PPP1CB: variants seen among roughly 807,000 people sequenced by gnomAD.
The protein encoded by PPP1CB is serine/threonine-protein phosphatase PP1-beta catalytic subunit.
In PPP1CB, 2 loss-of-function variants were observed where a neutral mutation model predicts 43.7. That is an observed-to-expected ratio of 0.05 (90% CI 0.02 to 0.14). The LOEUF (loss-of-function observed/expected upper bound fraction) is 0.14. Ranked by LOEUF, PPP1CB falls within the 10% of genes least tolerant of loss-of-function variation. The pLI is 1.00. For missense variants in PPP1CB, 84 were observed against 398.0 expected, an observed-to-expected ratio of 0.21 and a Z score of 6.71; for synonymous variants, 136 against 135.6, an observed-to-expected ratio of 1.00 and a Z score of -0.02.
chr2:28,764,326 A>G lies in PPP1CB; in HGVS notation c.52+12150A>G, dbSNP rs1359880795. 5.3e-5 allele frequency among the ~76,000 whole-genome samples: 8 copies of G among 151,226 alleles called. 1 individual carries two copies. In the East Asian group the frequency reaches 1.4e-3, roughly 26 times the overall value. On this transcript the variant is annotated intron_variant, in intron 1 of 7. Transcript: ENST00000395366. ...ATACAAAAAATTAGCTGGGCATAGT[A>G]GCACCCACCTATAATCCCAGCTACT... is the stretch of plus-strand genomic sequence containing the variant.
intron 4 of PPP1CB, chr2:28,782,708 A>G (rs1667180587): frequency 1.3e-5 from 2 of 152,234 alleles, no homozygotes; most frequent in Admixed American, 1.3e-4. Flanking sequence ...CTATTGAGCA[A>G]CGGAGTTTGT....
At chr2:28,793,389 T>A (rs954710677) in intron 6 of PPP1CB, among the ~76,000 whole-genome samples, 7 of 122,972 alleles carry the variant, frequency 5.7e-5, no homozygotes, top group African/African-American at 1.6e-4. Context: ...CTTCGCAAAG[T>A]CGTTCATTGT....
chr2:28,757,137 C>T (rs1267517037), intron 1 of PPP1CB, among the ~76,000 whole-genome samples: 1 of 152,100 alleles, frequency 6.6e-6, no homozygotes, highest in East Asian at 1.9e-4. Flanking sequence ...TGAAATCATA[C>T]AATATGTTGT....
chr2:28,762,442 ATC>A (rs764104672), intron 1 of PPP1CB, among the ~76,000 whole-genome samples: 6 of 152,346 alleles, frequency 3.9e-5, no homozygotes, highest in East Asian at 1.9e-4. Flanking sequence ...CTGAATTCAC[ATC>A]TCTGTTTTGT....
chr2:28,776,972 G>A lies in PPP1CB; in HGVS notation c.174G>A (p.Leu58=). Reference sequence around the variant, plus strand: ...TTCTTTTGGAATTGGAAGCACCGCTGAAAATTTGTGGTATGTAAATGGGTA... The same window carrying A: ...TTCTTTTGGAATTGGAAGCACCGCTAAAAATTTGTGGTATGTAAATGGGTA... ...QPILLELEAP[L]KICGDIHGQY... is the part of the protein sequence containing the mutation. The change falls in exon 2 of 8, where the codon CTG becomes CTA. Residue 58 remains leucine, a synonymous_variant. Coordinates refer to ENST00000395366, the MANE Select transcript of PPP1CB (RefSeq NM_002709.3). The A allele has an allele frequency of 6.2e-7, 1 of 1,613,362 alleles. No individual in the cohort carries two copies. Among genetic ancestry groups the A allele is most frequent in the Non-Finnish European group, 8.5e-7 (1 of 1,179,454 alleles).
chr2:28,767,198 A>C (rs1666798144), intron 1 of PPP1CB, among the ~76,000 whole-genome samples: 1 of 152,218 alleles, frequency 6.6e-6, no homozygotes, highest in Non-Finnish European at 1.5e-5. Flanking sequence ...CAAATGGGCC[A>C]CTTGGAAACT....
chr2:28,783,088 C>A (rs1000644011), intron 4 of PPP1CB, among the ~76,000 whole-genome samples: 1 of 152,104 alleles, frequency 6.6e-6, no homozygotes, highest in African/African-American at 2.4e-5. Flanking sequence ...TCAAAGATTG[C>A]AGAGTATTTT....
In PPP1CB at chr2:28,802,212, T is replaced by G. The variant is rs1454996348; in HGVS notation, c.*2909T>G. Reference sequence around the variant, plus strand: ...GAGATATGTCTCAAGAATATAAAGATGTATTATTTTAAGCCAAGGAGCTGA... The same window carrying G: ...GAGATATGTCTCAAGAATATAAAGAGGTATTATTTTAAGCCAAGGAGCTGA... On this transcript the variant is annotated 3_prime_UTR_variant, in exon 8 of 8. Transcript: ENST00000395366. 6.6e-6 allele frequency: 1 copy of G among 152,198 alleles called. No homozygotes were observed. Among genetic ancestry groups the G allele is most frequent in the African/African-American group, 2.4e-5 (1 of 41,454 alleles). The allele number at this position is 152,198 out of a possible 1,614,324, so 9.4% of individuals were successfully genotyped here.
At chr2:28,752,673 G>T (rs151065684) in intron 1 of PPP1CB, among the ~76,000 whole-genome samples, 1 of 152,182 alleles carries the variant, frequency 6.6e-6, no homozygotes, top group African/African-American at 2.4e-5. Context: ...TCCTTAACAG[G>T]ACTGCTTCGT....
In PPP1CB at chr2:28,800,689, A is replaced by T. The variant is rs765225492; in HGVS notation, c.*1386A>T. 6 of 152,568 alleles carry T rather than the reference A, an allele frequency of 3.9e-5. No individual in the cohort carries two copies. The highest frequency in any genetic ancestry group is 5.9e-5 in the Non-Finnish European group (4 of 67,902). The allele number at this position is 152,568 out of a possible 1,614,324, so 9.5% of individuals were successfully genotyped here. On this transcript the variant is annotated 3_prime_UTR_variant, in exon 8 of 8. Transcript: ENST00000395366. ...AGAACTTACAGGACACAGATTTGTG[A>T]TTCTTTGACTGTGACACTATTGGAT...
chr2:28,777,083 C>A, intron 2 of PPP1CB, 101 bp downstream of exon 2: 2 of 1,248,754 alleles, frequency 1.6e-6, no homozygotes, highest in African/African-American at 1.5e-5. Flanking sequence ...TTGTATAAAA[C>A]AGATCAGTAG....
chr2:28,770,498 T>G (rs1666882741), intron 1 of PPP1CB, among the ~76,000 whole-genome samples: 1 of 151,714 alleles, frequency 6.6e-6, no homozygotes, highest in Admixed American at 6.6e-5. Flanking sequence ...ACACTAGAGG[T>G]AAAGAAGGGC....
intron 1 of PPP1CB, among the ~76,000 whole-genome samples, chr2:28,764,693 A>G (rs1270946468): frequency 2.6e-5 from 4 of 151,984 alleles, no homozygotes; most frequent in Non-Finnish European, 4.4e-5. Flanking sequence ...TATGAGGCCA[A>G]GGCGAGTGGA....
intron 1 of PPP1CB, among the ~76,000 whole-genome samples, chr2:28,754,454 A>G (rs181434050): frequency 1.3e-5 from 2 of 152,254 alleles, no homozygotes; most frequent in Admixed American, 1.3e-4. Flanking sequence ...CTAAGATAAG[A>G]CACAGTCTCT....
chr2:28,783,329 GTTT>G (rs1025463795), intron 4 of PPP1CB, among the ~76,000 whole-genome samples: 1 of 148,924 alleles, frequency 6.7e-6, no homozygotes, highest in Non-Finnish European at 1.5e-5. Flanking sequence ...AAGAATGGTA[GTTT>G]TTTTTTTCCT....
chr2:28,769,050 T>A (rs1247310447), intron 1 of PPP1CB, among the ~76,000 whole-genome samples: 1 of 152,112 alleles, frequency 6.6e-6, no homozygotes, highest in Non-Finnish European at 1.5e-5. Context: ...AAAACCATAT[T>A]GAACATAGCT....
rs960710587 is a variant in PPP1CB, at chr2:28,752,155, C to G, written c.31C>G (p.Leu11Val). The G allele has an allele frequency of 1.3e-6, 2 of 1,548,534 alleles. No homozygotes were observed. The highest frequency in any genetic ancestry group is 1.7e-6 in the Non-Finnish European group (2 of 1,145,542). The change falls in exon 1 of 8, where the codon CTC becomes GTC. Residue 11 changes from leucine to valine, a missense_variant. By Grantham distance (32) the Leu-to-Val change is conservative. Around this residue, in one of 5 missense-constraint regions of PPP1CB, gnomAD observed 27 missense variants for 42.7 expected, o/e 0.63. Coordinates refer to ENST00000395366, the MANE Select transcript of PPP1CB (RefSeq NM_002709.3). MADGELNVDS[L>V]ITRLLEVRGC... ...GGACGGGGAGCTGAACGTGGACAGC[C>G]TCATCACCCGGCTGCTGGAGGGTGA...
rs1344370771 is a variant in PPP1CB at position 28,781,940 on chromosome 2, T to C, written c.520+98T>C. 7.2e-6 allele frequency: 6 copies of C among 837,530 alleles called. No individual in the cohort carries two copies. The African/African-American group carries it at 1.0e-4, about 14-fold the overall frequency. The allele number at this position is 837,530 out of a possible 1,614,324, so 51.9% of individuals were successfully genotyped here. On this transcript the variant is annotated intron_variant, in intron 4 of 7. Coordinates refer to ENST00000395366, the MANE Select transcript of PPP1CB (RefSeq NM_002709.3). ...GGCTGTGGGAAAACAAAGCAGTGCT[T>C]GTATGAAAACTCAAGTGATTAAAAC...
chr2:28,800,226 C>CTTTTTTTTTTTTTTTTTTTTTTTTTCT lies in PPP1CB; in HGVS notation c.*946_*947insTTCTTTTTTTTTTTTTTTTTTTTTTTT, dbSNP rs55736905. On this transcript the variant is annotated 3_prime_UTR_variant, in exon 8 of 8. Coordinates refer to ENST00000395366, the MANE Select transcript of PPP1CB (RefSeq NM_002709.3). The stretch of plus-strand genomic sequence containing the variant: ...TTGGTTTTCTTTTTCTTTTTTCTTT[C>CTTTTTTTTTTTTTTTTTTTTTTTTTCT]TTTTTTTTTTTTTTTTTTTTTTTGA... 1.5e-5 allele frequency: 1 copy of CTTTTTTTTTTTTTTTTTTTTTTTTTCT among 65,628 alleles called. No homozygotes were observed. Among genetic ancestry groups the CTTTTTTTTTTTTTTTTTTTTTTTTTCT allele is most frequent in the Non-Finnish European group, 2.7e-5 (1 of 36,888 alleles). 4.1% of individuals were successfully genotyped at this position (65,628 alleles called of 1,614,324 possible). A position where few individuals can be genotyped will look rare whatever the true frequency, so the allele number is the denominator to read the frequency against.
Sources: gnomAD v4.1 joint callset for allele counts (sites outside exome capture counted in the v4.1 genomes callset) on GRCh38, gnomAD v4.1.1 for gene constraint, gnomAD v4.1.1 regional missense constraint, MANE v1.5 for transcripts, NCBI Gene and HGNC (gene_info 2026-07-23, HGNC 2026-07-21) for gene names.